The following RBFOX1 variants were observed in gnomAD, a reference collection of about 807,000 sequenced individuals.
The protein encoded by RBFOX1 is RNA binding fox-1 homolog 1.
RBFOX1 carries 8 observed loss-of-function variants against 57.7 expected under a neutral mutation model. The ratio of observed to expected loss-of-function variants is 0.14; its 90% CI spans 0.08 to 0.25. The LOEUF (loss-of-function observed/expected upper bound fraction) is 0.25. Ranked by LOEUF, RBFOX1 falls within the 10% of genes least tolerant of loss-of-function variation. The probability of loss-of-function intolerance (pLI) is 1.00; values close to 1 mark genes in which losing one functional copy is unlikely to be tolerated. For synonymous variants in RBFOX1, 326 were observed against 222.4 expected (o/e 1.47, Z -4.15); for missense variants, 611 against 548.5 (o/e 1.11, Z -1.14).
intron 2 of RBFOX1, among the ~76,000 whole-genome samples, chr16:5,563,255 G>C (rs1182752237): frequency 1.3e-5 from 2 of 152,096 alleles, no homozygotes; most frequent in African/African-American, 4.8e-5. Context: ...AGCTGAGGCT[G>C]TATTATTGTA....
At chr16:6,352,784 C>T (rs1428836009) in intron 2 of RBFOX1, among the ~76,000 whole-genome samples, 2 of 152,202 alleles carry the variant, frequency 1.3e-5, no homozygotes, top group African/African-American at 4.8e-5. Flanking sequence ...TGCGACGCTG[C>T]CTTGCCCATC....
At chr16:7,248,955 G>C (rs1159077872) in intron 4 of RBFOX1, among the ~76,000 whole-genome samples, 2 of 152,180 alleles carry the variant, frequency 1.3e-5, no homozygotes, top group South Asian at 4.1e-4. Flanking sequence ...TGTTCTAGGA[G>C]AGGTCCCTTT....
intron 4 of RBFOX1, among the ~76,000 whole-genome samples, chr16:7,495,919 A>G (rs1299147196): frequency 6.6e-6 from 1 of 152,054 alleles, no homozygotes; most frequent in African/African-American, 2.4e-5. Context: ...TTTGAAAATC[A>G]GCAGAATTTC....
intron 4 of RBFOX1, among the ~76,000 whole-genome samples, chr16:7,176,477 T>C (rs1315956774): frequency 1.3e-5 from 2 of 152,202 alleles, no homozygotes; most frequent in East Asian, 3.9e-4. Flanking sequence ...ATTATGTCAG[T>C]AAACTATACC....
intron 4 of RBFOX1, among the ~76,000 whole-genome samples, chr16:5,974,732 G>C (rs866185262): frequency 5.9e-5 from 9 of 152,170 alleles, no homozygotes; most frequent in Middle Eastern, 3.2e-3. Flanking sequence ...AACCAAGCCA[G>C]GCGCAGTGGC....
rs540727141 is a variant in RBFOX1 at position 5,323,697 on chromosome 16, A to C, written c.219+83592A>C. Among the ~76,000 whole-genome samples, 28 of 152,378 alleles carry C rather than the reference A, an allele frequency of 1.8e-4. 1 individual carries two copies. In the South Asian group the frequency reaches 5.0e-3, roughly 27 times the overall value. ...TTAATAAGCTAACCCGGGCTTCAAA[A>C]GCCAGCTGATGAGCTCTGGCATTTC... On this transcript the variant is annotated intron_variant, in intron 1 of 2. Transcript: ENST00000585867.
chr16:6,919,448 G>A (rs1264069386), intron 3 of RBFOX1, among the ~76,000 whole-genome samples: 1 of 110,708 alleles, frequency 9.0e-6, no homozygotes, highest in Non-Finnish European at 2.0e-5. Context: ...GGAACATAGA[G>A]GGTTTTTTTT....
chr16:7,521,782 G>A (rs1346446476), intron 5 of RBFOX1, among the ~76,000 whole-genome samples: 5 of 152,202 alleles, frequency 3.3e-5, no homozygotes, highest in East Asian at 1.9e-4. Context: ...CTGGTTACAG[G>A]AAAGAGAAAA....
chr16:7,358,276 C>T (rs537897306), intron 4 of RBFOX1, among the ~76,000 whole-genome samples: 2 of 152,270 alleles, frequency 1.3e-5, no homozygotes, highest in African/African-American at 2.4e-5. Flanking sequence ...AAGAGGGTGG[C>T]CGTGCCACCG....
chr16:6,091,252 C>G (rs910184231), intron 1 of RBFOX1, among the ~76,000 whole-genome samples: 1 of 152,184 alleles, frequency 6.6e-6, no homozygotes, highest in Non-Finnish European at 1.5e-5. Flanking sequence ...TAACCCTATT[C>G]TCTTACATCT....
At chr16:6,676,570 C>G (rs62015866) in intron 3 of RBFOX1, among the ~76,000 whole-genome samples, 9,818 of 151,870 alleles carry the variant, frequency 0.065, 374 homozygotes, top group Non-Finnish European at 0.07. Flanking sequence ...AATATGTAAG[C>G]TATTTCGTAT....
chr16:5,325,621 C>T (rs1043736186), intron 1 of RBFOX1, among the ~76,000 whole-genome samples: 3 of 152,176 alleles, frequency 2.0e-5, no homozygotes, highest in Non-Finnish European at 4.4e-5. Flanking sequence ...ATGATCCACT[C>T]ATCTGTTCTT....
chr16:6,153,044 T>TG lies in RBFOX1; in HGVS notation c.-127+133052_-127+133053insG, dbSNP rs1270634157. On this transcript the variant is annotated intron_variant, in intron 1 of 15. Transcript: ENST00000550418. ...CATAGTTATTTTCTGTTTTTTTTTT[T>TG]TTTTTGTTAATTTTATGTATTTTTT... Among the ~76,000 whole-genome samples the TG allele has an allele frequency of 4.6e-5, 7 of 151,364 alleles. 1 individual carries two copies. The South Asian group carries it at 6.3e-4, about 14-fold the overall frequency.
At chr16:7,005,096 A>T (rs866665733) in intron 3 of RBFOX1, among the ~76,000 whole-genome samples, 2 of 152,192 alleles carry the variant, frequency 1.3e-5, no homozygotes, top group Admixed American at 6.5e-5. Flanking sequence ...GTCAGCTGAG[A>T]TCGCGTCATT....
At chr16:7,298,285 G>GTTTTTTTTTTTTTTTT (rs201092743) in intron 4 of RBFOX1, among the ~76,000 whole-genome samples, 4 of 96,584 alleles carry the variant, frequency 4.1e-5, no homozygotes, top group Non-Finnish European at 6.3e-5. Flanking sequence ...GTTTTTTTTT[G>GTTTTTTTTTTTTTTTT]TTTTTTTTTT....
chr16:7,606,693 C>G (rs910303125), intron 9 of RBFOX1, among the ~76,000 whole-genome samples: 3 of 152,124 alleles, frequency 2.0e-5, no homozygotes, highest in Non-Finnish European at 4.4e-5. Flanking sequence ...TGAAAGTTAC[C>G]TTAGATATCA....
chr16:6,944,399 A>C (rs1414729273), intron 3 of RBFOX1, among the ~76,000 whole-genome samples: 1 of 60,554 alleles, frequency 1.7e-5, no homozygotes, highest in Non-Finnish European at 4.1e-5. Context: ...ATCTCAGAGA[A>C]AAAAAAAAAA....
chr16:5,726,083 A>T (rs112441765), intron 3 of RBFOX1, among the ~76,000 whole-genome samples: 6 of 145,438 alleles, frequency 4.1e-5, no homozygotes, highest in East Asian at 3.9e-4. Context: ...TTTTATTATT[A>T]TTTTTTTTAA....
At chr16:6,468,736 C>A (rs926515605) in intron 2 of RBFOX1, among the ~76,000 whole-genome samples, 1 of 151,962 alleles carries the variant, frequency 6.6e-6, no homozygotes, top group African/African-American at 2.4e-5. Flanking sequence ...TTGCTCAGTC[C>A]TCTTTTCTAC....
Sources: gnomAD v4.1 joint callset for allele counts (sites outside exome capture counted in the v4.1 genomes callset) on GRCh38, gnomAD v4.1.1 for gene constraint, MANE v1.5 for transcripts, NCBI Gene and HGNC (gene_info 2026-07-23, HGNC 2026-07-21) for gene names.